Variants in PLG observed in about 807,000 individuals in gnomAD.
PLG encodes plasminogen.
Under a neutral mutation model 104.4 loss-of-function variants are expected in PLG, and 41 were observed. That is an observed-to-expected ratio of 0.39 (90% CI 0.31 to 0.51). PLG has a LOEUF of 0.51. Ranked by LOEUF, PLG falls within the 20% of genes least tolerant of loss-of-function variation. The pLI, the probability that PLG is intolerant of heterozygous loss-of-function variation, is 0.76. For synonymous variants in PLG, 337 were observed against 357.1 expected (o/e 0.94, Z 0.63); for missense variants, 891 against 1,003.6 (o/e 0.89, Z 1.52).
chr6:160,753,391 A>G lies in PLG; in HGVS notation c.*330A>G. 2.5e-6 allele frequency: 1 copy of G among 392,300 alleles called. No homozygotes were observed. 24.3% of individuals were successfully genotyped at this position (392,300 alleles called of 1,614,324 possible). On this transcript the variant is annotated 3_prime_UTR_variant, in exon 19 of 19. Coordinates refer to ENST00000308192, the MANE Select transcript of PLG (RefSeq NM_000301.5). This position sits in a 1 kb window ranked among gnomAD's most constrained non-coding sequence, Gnocchi z 5.4. ...GGGATTTAGCTGCTTTTGATAAGGA[A>G]CAGCTGCACAAAGGACTGAGCAGGC...
At chr6:160,706,136 T>C in intron 1 of PLG, 1 of 492,964 alleles carries the variant, frequency 2.0e-6, no homozygotes, top group South Asian at 2.1e-5. Flanking sequence ...AAATACCTAC[T>C]AAATAGGTAG....
chr6:160,711,635 G>C, intron 4 of PLG: 6 of 1,610,522 alleles, frequency 3.7e-6, no homozygotes, highest in Non-Finnish European at 2.5e-6. Flanking sequence ...CACCATAGTA[G>C]AACATGGTTG....
intron 1 of PLG, chr6:160,706,052 G>A: frequency 6.6e-6 from 2 of 303,260 alleles, no homozygotes; most frequent in Non-Finnish European, 1.3e-5. Flanking sequence ...TACATGTGCA[G>A]GTGTGTTACA....
At chr6:160,711,941 A>G (rs1281759092) in intron 4 of PLG, 3 of 1,291,826 alleles carry the variant, frequency 2.3e-6, no homozygotes, top group Non-Finnish European at 3.0e-6. Flanking sequence ...TACTTTTCCC[A>G]GTTTGGTGTT....
In PLG at chr6:160,723,248, G is replaced by C. The variant is rs1172249007; in HGVS notation, c.1256+681G>C. Among the ~76,000 whole-genome samples, 4 of 151,442 alleles carry C rather than the reference G, an allele frequency of 2.6e-5. No individual in the cohort carries two copies. The highest frequency in any genetic ancestry group is 9.8e-5 in the African/African-American group (4 of 40,854). ...CCAGTGGCCTGAAAGGATATGGGTTGCTGGGACATGAAGAACAAAAGCAGG... is the reference window on the plus strand; with the variant it reads ...CCAGTGGCCTGAAAGGATATGGGTTCCTGGGACATGAAGAACAAAAGCAGG... On this transcript the variant is annotated intron_variant, in intron 10 of 18. Coordinates refer to ENST00000308192, the MANE Select transcript of PLG (RefSeq NM_000301.5). This position sits in a 1 kb window ranked among gnomAD's most constrained non-coding sequence, Gnocchi z 4.7.
intron 17 of PLG, among the ~76,000 whole-genome samples, chr6:160,742,800 A>T (rs1778216587): frequency 6.6e-6 from 1 of 152,100 alleles, no homozygotes. Flanking sequence ...TAAGTCTTTA[A>T]TCCATCTTGA....
Position 160,738,932 on chromosome 6 carries a change from T to G in PLG, c.1878-136T>G. 1.0e-6 allele frequency: 1 copy of G among 983,466 alleles called. No homozygotes were observed. The highest frequency in any genetic ancestry group is 1.6e-6 in the Non-Finnish European group (1 of 615,384). 60.9% of individuals were successfully genotyped at this position (983,466 alleles called of 1,614,324 possible). The stretch of plus-strand genomic sequence containing the variant: ...CTGCCTGTTTCAAGCAAATCATGAA[T>G]TTTGCTTCTTGCCACTCAGAAGTCA... On this transcript the variant is annotated intron_variant, in intron 15 of 18. Coordinates refer to ENST00000308192, the MANE Select transcript of PLG (RefSeq NM_000301.5). The surrounding 1 kb of genome is among the most constrained non-coding windows in gnomAD (Gnocchi z 6.8).
At chr6:160,712,410 A>G (rs1424876383) in intron 4 of PLG, 1 of 158,288 alleles carries the variant, frequency 6.3e-6, no homozygotes, top group Non-Finnish European at 1.4e-5. Context: ...GGACTTTGGA[A>G]TCAGACAGAT....
intron 2 of PLG, 128 bp downstream of exon 2, chr6:160,706,670 C>T (rs995467764): frequency 1.5e-5 from 14 of 947,500 alleles, no homozygotes; most frequent in Non-Finnish European, 2.0e-5. Flanking sequence ...ACTATATTTG[C>T]TCACAGTATG....
At chr6:160,733,381 C>G (rs991644053) in intron 12 of PLG, among the ~76,000 whole-genome samples, 1 of 152,178 alleles carries the variant, frequency 6.6e-6, no homozygotes, top group Non-Finnish European at 1.5e-5. Context: ...AAGGCCTCCA[C>G]TGGGTCAGGC....
chr6:160,720,302 A>G (rs1201620350), intron 9 of PLG, among the ~76,000 whole-genome samples: 1 of 150,502 alleles, frequency 6.6e-6, no homozygotes, highest in African/African-American at 2.4e-5. Context: ...CAGTTCGACT[A>G]TGATGTGTTT....
chr6:160,746,890 T>A (rs904004519), intron 17 of PLG, among the ~76,000 whole-genome samples: 8 of 152,190 alleles, frequency 5.3e-5, no homozygotes, highest in African/African-American at 1.9e-4. Flanking sequence ...TGGGGTGTGA[T>A]CCATTTTTTA....
At chr6:160,717,127 T>C (rs1777746714) in intron 7 of PLG, among the ~76,000 whole-genome samples, 2 of 152,142 alleles carry the variant, frequency 1.3e-5, no homozygotes, top group Non-Finnish European at 2.9e-5. Context: ...TAATAGTTGT[T>C]TTGTAAACAA....
rs1414433885 is a variant in PLG at position 160,744,280 on chromosome 6, A to G, written c.2125+2863A>G. Among the ~76,000 whole-genome samples, 1 of 152,086 alleles carries G rather than the reference A, an allele frequency of 6.6e-6. No homozygotes were observed. The highest frequency in any genetic ancestry group is 1.5e-5 in the Non-Finnish European group (1 of 68,002). ...TCTGGTGGAATTCAGCTGTGAATCT[A>G]TCTGGTCCTGGGCTTTTGTTGGTTA... On this transcript the variant is annotated intron_variant, in intron 17 of 18. Coordinates refer to ENST00000308192, the MANE Select transcript of PLG (RefSeq NM_000301.5). The surrounding 1 kb of genome is among the most constrained non-coding windows in gnomAD (Gnocchi z 4.5).
Position 160,734,024 on chromosome 6 carries a change from T to C in PLG, c.1617T>C (p.Gly539=). ...GCCGTAACCCTGATGGTGATGTAGG[T>C]GGTCCCTGGTGCTACACGACAAATC... The part of the protein sequence containing the change: ...NYCRNPDGDV[G]GPWCYTTNPR... The change falls in exon 13 of 19, where the codon GGT becomes GGC. Residue 539 remains glycine (G), a synonymous_variant. Coordinates refer to ENST00000308192, the MANE Select transcript of PLG (RefSeq NM_000301.5). The surrounding 1 kb of genome is among the most constrained non-coding windows in gnomAD (Gnocchi z 4.4). The C allele has an allele frequency of 6.2e-7, 1 of 1,610,182 alleles. No homozygotes were observed. The highest frequency in any genetic ancestry group is 1.3e-5 in the African/African-American group (1 of 74,910).
In PLG at chr6:160,753,057, A is replaced by C. The variant is rs1412139108; in HGVS notation, c.2429A>C (p.Asn810Thr). The change falls in exon 19 of 19, where the codon AAT becomes ACT. Residue 810 changes from asparagine to threonine, a missense_variant. Asn to Thr is a moderately conservative substitution (Grantham distance 65, BLOSUM62 0). Around this residue, in one of 2 missense-constraint regions of PLG, gnomAD observed 37 missense variants for 71.5 expected, o/e 0.52. Coordinates refer to ENST00000308192, the MANE Select transcript of PLG (RefSeq NM_000301.5). This position sits in a 1 kb window ranked among gnomAD's most constrained non-coding sequence, Gnocchi z 5.4. ...TGGATTGAGGGAGTGATGAGAAATA[A>C]TTAATTGGACGGGAGACAGAGTGAC... ...VTWIEGVMRN[N>T] 1 of 1,573,266 alleles carries C rather than the reference A, an allele frequency of 6.4e-7. No individual in the cohort carries two copies.
Position 160,753,626 on chromosome 6 carries a change from G to A in PLG, c.*565G>A, listed in dbSNP as rs783167. Among the ~76,000 whole-genome samples the A allele has an allele frequency of 0.85, 128,781 of 152,092 alleles. 54,703 individuals are homozygous for A. The highest frequency in any genetic ancestry group is 0.98 in the East Asian group (5,079 of 5,160). On this transcript the variant is annotated 3_prime_UTR_variant, in exon 19 of 19. Coordinates refer to ENST00000308192, the MANE Select transcript of PLG (RefSeq NM_000301.5). The surrounding 1 kb of genome is among the most constrained non-coding windows in gnomAD (Gnocchi z 5.4). ...TGCTTGACTTGAGCCCAGGGGACAC[G>A]GAGCAGAGAGCTGTATATGATGGAG...
chr6:160,717,384 C>A lies in PLG; in HGVS notation c.787+621C>A, dbSNP rs1777753214. On this transcript the variant is annotated intron_variant, in intron 7 of 18. Transcript: ENST00000308192. ...AAAGGATTCAGTGAGGGTTGGCCTC[C>A]CCTCCTTTCCTCTGACATGTGTCCT... Among the ~76,000 whole-genome samples, 5 of 152,192 alleles carry A rather than the reference C, an allele frequency of 3.3e-5. No homozygotes were observed. In the South Asian group the frequency reaches 1.0e-3, roughly 31 times the overall value.
chr6:160,720,563 G>A (rs999455158), intron 9 of PLG, among the ~76,000 whole-genome samples: 1 of 151,812 alleles, frequency 6.6e-6, no homozygotes, highest in Non-Finnish European at 1.5e-5. Flanking sequence ...GGGACTACAA[G>A]CATGTGCCAC....
Sources: allele counts gnomAD v4.1 joint callset (sites outside exome capture counted in the v4.1 genomes callset), GRCh38; gene constraint gnomAD v4.1.1; regional missense constraint gnomAD v4.1.1; non-coding constraint Gnocchi (gnomAD v3.1); transcripts MANE v1.5; gene names NCBI Gene and HGNC (gene_info 2026-07-23, HGNC 2026-07-21).